Variants in ADCY8 observed in about 807,000 individuals in gnomAD.
ADCY8 encodes the protein adenylate cyclase 8.
ADCY8 carries 51 observed loss-of-function variants against 119.7 expected under a neutral mutation model. That is an observed-to-expected ratio of 0.43 (90% CI 0.34 to 0.54). The LOEUF is 0.54. Ranked by LOEUF, ADCY8 falls within the 20% of genes least tolerant of loss-of-function variation. ADCY8 has a pLI of 0.03. For missense variants in ADCY8, 1,383 were observed against 1,598.8 expected, an observed-to-expected ratio of 0.87 and a Z score of 2.30; for synonymous variants, 665 against 651.0, an observed-to-expected ratio of 1.02 and a Z score of -0.33.
intron 14 of ADCY8, among the ~76,000 whole-genome samples, chr8:130,807,844 C>A (rs558877087): frequency 5.4e-5 from 8 of 148,822 alleles, no homozygotes; most frequent in Non-Finnish European, 6.0e-5. Flanking sequence ...ATTAGCCGGG[C>A]GTAGTGGCGG....
At chr8:130,925,345 C>T (rs1214570231) in intron 5 of ADCY8, among the ~76,000 whole-genome samples, 1 of 152,220 alleles carries the variant, frequency 6.6e-6, no homozygotes, top group African/African-American at 2.4e-5. Flanking sequence ...AGGACCCAAA[C>T]TCAGCCTCCC....
chr8:130,849,886 A>G, intron 9 of ADCY8, 83 bp from the exon 10 acceptor site: 1 of 1,296,618 alleles, frequency 7.7e-7, no homozygotes, highest in South Asian at 1.4e-5. Flanking sequence ...TTCCTTTCCC[A>G]TCCCTTGCAT....
intron 16 of ADCY8, among the ~76,000 whole-genome samples, chr8:130,784,564 A>C (rs1424575373): frequency 1.3e-5 from 2 of 152,218 alleles, no homozygotes; most frequent in Middle Eastern, 3.2e-3. Context: ...TTGTTGTGAC[A>C]CTCAACATTG....
chr8:130,953,416 G>A (rs1821334308), intron 2 of ADCY8, among the ~76,000 whole-genome samples: 1 of 152,146 alleles, frequency 6.6e-6, no homozygotes, highest in Non-Finnish European at 1.5e-5. Flanking sequence ...CAATCAGCTT[G>A]CAGAAATAAT....
At chr8:131,008,139 C>T (rs7841164) in intron 1 of ADCY8, among the ~76,000 whole-genome samples, 80,684 of 151,944 alleles carry the variant, frequency 0.53, 22,322 homozygotes, top group East Asian at 0.72. Flanking sequence ...AGGGATGCAA[C>T]GTCACCCTAA....
chr8:131,014,212 T>C (rs986808766), intron 1 of ADCY8, among the ~76,000 whole-genome samples: 1 of 152,206 alleles, frequency 6.6e-6, no homozygotes, highest in Non-Finnish European at 1.5e-5. Flanking sequence ...GCAAATCTAT[T>C]AACAAGCATT....
In ADCY8 at chr8:131,003,356, G is replaced by A. The variant is rs117704782; in HGVS notation, c.961-12814C>T. 1.2e-3 allele frequency among the ~76,000 whole-genome samples: 186 copies of A among 152,236 alleles called. 1 individual carries two copies. In the East Asian group the frequency reaches 0.029, roughly 23 times the overall value. ...AGGTAAAAATGATGAAGGAATTTTT[G>A]CACAAATTTTAAAGTTAAATTATGC... On this transcript the variant is annotated intron_variant, in intron 1 of 17. Transcript: ENST00000286355.
intron 8 of ADCY8, among the ~76,000 whole-genome samples, chr8:130,880,423 G>A (rs1197105290): frequency 6.6e-6 from 1 of 152,130 alleles, no homozygotes; most frequent in African/African-American, 2.4e-5. Flanking sequence ...TATTCAATAA[G>A]GAAATACCAA....
At chr8:130,846,326 C>T (rs1320484741) in intron 11 of ADCY8, among the ~76,000 whole-genome samples, 1 of 152,016 alleles carries the variant, frequency 6.6e-6, no homozygotes, top group Non-Finnish European at 1.5e-5. Flanking sequence ...ATAGGCTGAC[C>T]CCAAGGCCCA....
chr8:130,819,725 G>A (rs910948078), intron 13 of ADCY8, among the ~76,000 whole-genome samples: 2 of 152,194 alleles, frequency 1.3e-5, no homozygotes, highest in South Asian at 4.1e-4. Flanking sequence ...AGAAATGAAA[G>A]CTGTCAAGTA....
intron 11 of ADCY8, among the ~76,000 whole-genome samples, chr8:130,843,468 C>G (rs1374756511): frequency 6.6e-6 from 1 of 152,164 alleles, no homozygotes; most frequent in African/African-American, 2.4e-5. Context: ...ATTCTCAAAT[C>G]AGGGAGTCCA....
chr8:130,869,208 T>C (rs962948889), intron 8 of ADCY8, among the ~76,000 whole-genome samples: 1 of 152,200 alleles, frequency 6.6e-6, no homozygotes, highest in Admixed American at 6.5e-5. Flanking sequence ...GTCCACTTGC[T>C]GGCAACCTGC....
chr8:130,937,012 G>A, intron 5 of ADCY8, 61 bp downstream of exon 5: 8 of 1,535,400 alleles, frequency 5.2e-6, no homozygotes, highest in Non-Finnish European at 7.1e-6. Context: ...AAGGGTAGGT[G>A]AAGTGGCCTG....
chr8:130,973,661 A>G (rs1026703136), intron 2 of ADCY8, among the ~76,000 whole-genome samples: 1 of 152,316 alleles, frequency 6.6e-6, no homozygotes, highest in South Asian at 2.1e-4. Context: ...ACAGAGCAAA[A>G]GATAATTGAT....
intron 11 of ADCY8, among the ~76,000 whole-genome samples, chr8:130,845,891 G>T (rs1817280989): frequency 6.6e-6 from 1 of 152,110 alleles, no homozygotes; most frequent in Non-Finnish European, 1.5e-5. Context: ...AAGTGAGGAA[G>T]AAATAAGATC....
intron 1 of ADCY8, among the ~76,000 whole-genome samples, chr8:131,012,024 C>T (rs945713351): frequency 6.6e-6 from 1 of 152,174 alleles, no homozygotes; most frequent in African/African-American, 2.4e-5. Flanking sequence ...ATTACCATCA[C>T]TCCCAGGAAC....
chr8:130,943,288 C>A, intron 4 of ADCY8, 63 bp downstream of exon 4: 2 of 1,197,994 alleles, frequency 1.7e-6, no homozygotes, highest in South Asian at 1.3e-5. Flanking sequence ...CCTTCTCTTT[C>A]CTTATTCCAT....
intron 1 of ADCY8, among the ~76,000 whole-genome samples, chr8:131,022,160 C>T (rs1823690497): frequency 6.6e-6 from 1 of 152,068 alleles, no homozygotes; most frequent in Admixed American, 6.6e-5. Flanking sequence ...TTCTGGGGTA[C>T]ATTTGCACAA....
At chr8:130,798,758 G>A (rs907115284) in intron 15 of ADCY8, among the ~76,000 whole-genome samples, 2 of 152,144 alleles carry the variant, frequency 1.3e-5, no homozygotes, top group African/African-American at 4.8e-5. Context: ...AAAAAGGCAG[G>A]TGTGAGAGCT....
Sources: allele counts gnomAD v4.1 joint callset (sites outside exome capture counted in the v4.1 genomes callset), GRCh38; gene constraint gnomAD v4.1.1; transcripts MANE v1.5; gene names NCBI Gene and HGNC (gene_info 2026-07-23, HGNC 2026-07-21).